Variants in FRMD4A observed in about 807,000 individuals in gnomAD.
FRMD4A encodes the protein FERM domain containing 4A.
A neutral mutation model predicts 129.1 loss-of-function variants in FRMD4A; 29 were observed. That is an observed-to-expected ratio of 0.22 (90% CI 0.17 to 0.31). The LOEUF is 0.31. Among genes scored for constraint, FRMD4A ranks in the 10% least tolerant of loss-of-function variants. The pLI, the probability that FRMD4A is intolerant of heterozygous loss-of-function variation, is 1.00. For missense variants in FRMD4A, 1,272 were observed against 1,375.8 expected, an observed-to-expected ratio of 0.92 and a Z score of 1.19; for synonymous variants, 634 against 571.6, an observed-to-expected ratio of 1.11 and a Z score of -1.56.
chr10:13,986,115 C>G (rs924926411), intron 2 of FRMD4A, among the ~76,000 whole-genome samples: 2 of 152,298 alleles, frequency 1.3e-5, no homozygotes, highest in South Asian at 4.1e-4. Context: ...CAGCAACCCT[C>G]TCCCACCTGG....
intron 17 of FRMD4A, chr10:13,668,237 C>G (rs1346557437): frequency 6.6e-6 from 1 of 152,266 alleles, no homozygotes; most frequent in African/African-American, 2.4e-5. Context: ...AGAAGAATAT[C>G]AACATGGACT....
At chr10:13,793,045 G>A (rs188831703) in intron 5 of FRMD4A, among the ~76,000 whole-genome samples, 3 of 152,314 alleles carry the variant, frequency 2.0e-5, no homozygotes, top group Non-Finnish European at 2.9e-5. Flanking sequence ...TATATCAGAA[G>A]AATATATAAA....
intron 2 of FRMD4A, 76 bp from the exon 3 acceptor site, chr10:13,858,988 C>T: frequency 2.3e-6 from 2 of 866,142 alleles, no homozygotes; most frequent in Non-Finnish European, 2.0e-6. Flanking sequence ...CGACGCTGCA[C>T]TCTGCCAGGC....
chr10:14,326,650 A>G (rs1843288861), intron 2 of FRMD4A: 2 of 394,798 alleles, frequency 5.1e-6, no homozygotes, highest in Admixed American at 8.8e-5. Context: ...ATGGCATCAT[A>G]ACACCCTTGA....
chr10:14,130,449 A>G (rs1839183529), intron 2 of FRMD4A, among the ~76,000 whole-genome samples: 1 of 152,060 alleles, frequency 6.6e-6, no homozygotes, highest in East Asian at 1.9e-4. Flanking sequence ...TTATGTAGAG[A>G]TGAAGTCTTG....
At chr10:13,755,827 T>C (rs1316190009) in intron 8 of FRMD4A, among the ~76,000 whole-genome samples, 1 of 152,216 alleles carries the variant, frequency 6.6e-6, no homozygotes, top group Non-Finnish European at 1.5e-5. Context: ...CTTGTAGAGA[T>C]GTCATGTAAA....
At chr10:14,228,579 G>C (rs1466492965) in intron 2 of FRMD4A, among the ~76,000 whole-genome samples, 1 of 152,188 alleles carries the variant, frequency 6.6e-6, no homozygotes, top group African/African-American at 2.4e-5. Flanking sequence ...TGTTTAGTTA[G>C]AAACAAGAGG....
chr10:13,690,204 C>T (rs2085551107), intron 15 of FRMD4A, among the ~76,000 whole-genome samples: 3 of 152,182 alleles, frequency 2.0e-5, no homozygotes. Flanking sequence ...GGCTTGTCCC[C>T]TTTGTGGGAA....
chr10:13,688,668 TCCGTG>T (rs2085343312), intron 15 of FRMD4A, among the ~76,000 whole-genome samples: 1 of 152,136 alleles, frequency 6.6e-6, no homozygotes, highest in Admixed American at 6.5e-5. Context: ...GAAATGCTAA[TCCGTG>T]GCTCAGGGCA....
At chr10:14,045,935 A>G (rs1833974485) in intron 2 of FRMD4A, among the ~76,000 whole-genome samples, 1 of 148,122 alleles carries the variant, frequency 6.8e-6, no homozygotes, top group South Asian at 2.1e-4. Flanking sequence ...GTATTAATAC[A>G]TATTCAATTT....
chr10:14,020,299 T>C (rs1832682879), intron 2 of FRMD4A, among the ~76,000 whole-genome samples: 1 of 152,160 alleles, frequency 6.6e-6, no homozygotes, highest in African/African-American at 2.4e-5. Flanking sequence ...ATCTGTCCCT[T>C]TTATCTCATC....
chr10:13,724,568 C>T (rs1047955641), intron 12 of FRMD4A, among the ~76,000 whole-genome samples: 3 of 152,124 alleles, frequency 2.0e-5, no homozygotes, highest in South Asian at 2.1e-4. Context: ...TGGGATCCAA[C>T]GATAGCATTT....
chr10:13,705,116 A>C (rs756302402), intron 13 of FRMD4A, among the ~76,000 whole-genome samples: 4 of 152,198 alleles, frequency 2.6e-5, no homozygotes, highest in Admixed American at 1.3e-4. Flanking sequence ...CAGTTACACT[A>C]GAAGATCTTT....
chr10:13,924,766 G>T (rs1411120247), intron 2 of FRMD4A, among the ~76,000 whole-genome samples: 2 of 152,124 alleles, frequency 1.3e-5, no homozygotes, highest in Admixed American at 1.3e-4. Flanking sequence ...GTTTAGAAGA[G>T]TACCTGTCAT....
At chr10:14,121,384 CA>C (rs1303450824) in intron 2 of FRMD4A, among the ~76,000 whole-genome samples, 1 of 152,068 alleles carries the variant, frequency 6.6e-6, no homozygotes, top group Non-Finnish European at 1.5e-5. Flanking sequence ...GAACAAAAAA[CA>C]AAAAAACCAA....
chr10:14,054,391 G>T (rs1461144704), intron 2 of FRMD4A, among the ~76,000 whole-genome samples: 1 of 152,090 alleles, frequency 6.6e-6, no homozygotes, highest in Non-Finnish European at 1.5e-5. Flanking sequence ...TTTCTCCCCT[G>T]CATGACTCTG....
Position 13,935,446 on chromosome 10 carries a change from CAAAAAA to C in FRMD4A, c.46-76540_46-76535del, listed in dbSNP as rs71388135. On this transcript the variant is annotated intron_variant, in intron 2 of 24. Transcript: ENST00000357447. ...GTGTGACAAGAGTGCAACTCCATCT[CAAAAAA>C]AAAAAAAAAAAAAAAAAAAAAAAGT... 1.5e-3 allele frequency among the ~76,000 whole-genome samples: 55 copies of C among 36,414 alleles called. 1 individual carries two copies. In the East Asian group the frequency reaches 0.037, roughly 25 times the overall value. 23.9% of individuals were successfully genotyped at this position (36,414 alleles called of 152,430 possible).
chr10:14,135,898 T>C (rs1298732271), intron 2 of FRMD4A, among the ~76,000 whole-genome samples: 1 of 152,220 alleles, frequency 6.6e-6, no homozygotes, highest in African/African-American at 2.4e-5. Flanking sequence ...AGAAACTGTA[T>C]ATTCTAACAA....
chr10:14,008,582 C>T, intron 2 of FRMD4A: 2 of 857,036 alleles, frequency 2.3e-6, no homozygotes, highest in Non-Finnish European at 2.8e-6. Flanking sequence ...ACGTATTATT[C>T]ATTCCATCAC....
Sources: gnomAD v4.1 joint callset for allele counts (sites outside exome capture counted in the v4.1 genomes callset) on GRCh38, gnomAD v4.1.1 for gene constraint, MANE v1.5 for transcripts, NCBI Gene and HGNC (gene_info 2026-07-23, HGNC 2026-07-21) for gene names.